Variants in CA10 observed in about 807,000 individuals in gnomAD.
CA10 encodes the protein carbonic anhydrase 10 (inactive), also known as carbonic anhydrase-related protein 10.
Under a neutral mutation model 44.2 loss-of-function variants are expected in CA10, and 14 were observed. The ratio of observed to expected loss-of-function variants is 0.32; its 90% confidence interval spans 0.21 to 0.50. The LOEUF (loss-of-function observed/expected upper bound fraction) is 0.50. Ranked by LOEUF, CA10 falls within the 20% of genes least tolerant of loss-of-function variation. The pLI, the probability that CA10 is intolerant of heterozygous loss-of-function variation, is 0.99. For missense variants in CA10, 350 were observed against 409.7 expected, an observed-to-expected ratio of 0.85 and a Z score of 1.26; for synonymous variants, 159 against 141.6, an observed-to-expected ratio of 1.12 and a Z score of -0.87.
intron 2 of CA10, among the ~76,000 whole-genome samples, chr17:51,936,381 T>C (rs894752935): frequency 2.0e-5 from 3 of 152,104 alleles, no homozygotes; most frequent in Non-Finnish European, 2.9e-5. Flanking sequence ...AAAGCATGTA[T>C]GGGAGAGAAA....
chr17:51,947,188 A>G (rs938734431), intron 2 of CA10, among the ~76,000 whole-genome samples: 4 of 146,518 alleles, frequency 2.7e-5, no homozygotes, highest in African/African-American at 1.0e-4. Context: ...ACTTTTTACA[A>G]TGCAACATCT....
intron 3 of CA10, among the ~76,000 whole-genome samples, chr17:51,915,459 T>A (rs1981956544): frequency 6.6e-6 from 1 of 152,134 alleles, no homozygotes; most frequent in African/African-American, 2.4e-5. Context: ...ATCCTGGGAG[T>A]TTGTGTAACA....
chr17:51,677,905 C>T (rs1914690016), intron 4 of CA10, among the ~76,000 whole-genome samples: 1 of 147,710 alleles, frequency 6.8e-6, no homozygotes, highest in African/African-American at 2.4e-5. Flanking sequence ...CCACCGGCTG[C>T]CAATTGAAAA....
At chr17:51,673,729 T>G (rs1374247915) in intron 4 of CA10, among the ~76,000 whole-genome samples, 1 of 152,248 alleles carries the variant, frequency 6.6e-6, no homozygotes, top group African/African-American at 2.4e-5. Flanking sequence ...GCCATTGTGA[T>G]GGCTCTAGGT....
At chr17:52,117,021 T>C (rs1201093048) in intron 1 of CA10, among the ~76,000 whole-genome samples, 2 of 152,328 alleles carry the variant, frequency 1.3e-5, no homozygotes, top group East Asian at 1.9e-4. Context: ...AGTGAACTAA[T>C]AAGGGATTTA....
At chr17:51,677,885 A>ACCCCC (rs201803270) in intron 4 of CA10, among the ~76,000 whole-genome samples, 1 of 137,920 alleles carries the variant, frequency 7.3e-6, no homozygotes, top group African/African-American at 2.7e-5. Context: ...CTAGGTATAC[A>ACCCCC]CCCCCCCCCC....
At chr17:51,680,254 G>A (rs1914799535) in intron 4 of CA10, among the ~76,000 whole-genome samples, 4 of 152,176 alleles carry the variant, frequency 2.6e-5, no homozygotes, top group South Asian at 4.2e-4. Flanking sequence ...CAGCCGTTGG[G>A]GAGGAAGGAA....
intron 2 of CA10, among the ~76,000 whole-genome samples, chr17:51,952,463 C>T (rs545933010): frequency 6.6e-6 from 1 of 152,100 alleles, no homozygotes; most frequent in East Asian, 1.9e-4. Context: ...GGGAAGATCA[C>T]TTGAGCCCAG....
chr17:51,660,352 C>T (rs548673805), intron 4 of CA10, among the ~76,000 whole-genome samples: 1 of 152,304 alleles, frequency 6.6e-6, no homozygotes, highest in Admixed American at 6.5e-5. Flanking sequence ...AAGTGGAAGC[C>T]TGAAAACCAT....
chr17:51,836,673 G>A (rs2143796216), intron 3 of CA10, among the ~76,000 whole-genome samples: 1 of 152,344 alleles, frequency 6.6e-6, no homozygotes, highest in East Asian at 1.9e-4. Flanking sequence ...GAGGCCAAGT[G>A]ATTTGGACAC....
intron 4 of CA10, among the ~76,000 whole-genome samples, chr17:51,714,715 GAGA>G (rs1420757660): frequency 1.3e-5 from 2 of 152,288 alleles, no homozygotes; most frequent in Admixed American, 1.3e-4. Context: ...CAGATGGAGA[GAGA>G]AGAAGGAATT....
chr17:52,025,775 C>A (rs1056889295), intron 2 of CA10, among the ~76,000 whole-genome samples: 1 of 151,998 alleles, frequency 6.6e-6, no homozygotes, highest in African/African-American at 2.4e-5. Context: ...AAGTGATAGG[C>A]AACTTTGTTG....
At chr17:52,054,568 C>T (rs956291770) in intron 2 of CA10, among the ~76,000 whole-genome samples, 1 of 152,074 alleles carries the variant, frequency 6.6e-6, no homozygotes, top group African/African-American at 2.4e-5. Flanking sequence ...TACACTCCCT[C>T]CCCTTTTGAA....
intron 3 of CA10, among the ~76,000 whole-genome samples, chr17:51,877,971 C>G (rs1333516918): frequency 6.6e-6 from 1 of 151,168 alleles, no homozygotes; most frequent in Non-Finnish European, 1.5e-5. Flanking sequence ...GGTGAAACCC[C>G]AACTCTACTA....
At chr17:51,873,244 G>A (rs1401915722) in intron 3 of CA10, among the ~76,000 whole-genome samples, 1 of 152,186 alleles carries the variant, frequency 6.6e-6, no homozygotes, top group African/African-American at 2.4e-5. Context: ...AACAGAGTAA[G>A]TACCCAATAA....
intron 2 of CA10, among the ~76,000 whole-genome samples, chr17:51,995,739 T>C (rs1000497940): frequency 3.3e-5 from 5 of 152,066 alleles, no homozygotes; most frequent in African/African-American, 9.7e-5. Flanking sequence ...ACTGAGATGG[T>C]TGGATTTTCA....
chr17:51,898,493 G>A (rs1023249728), intron 3 of CA10, among the ~76,000 whole-genome samples: 1 of 152,054 alleles, frequency 6.6e-6, no homozygotes, highest in Non-Finnish European at 1.5e-5. Context: ...TTTCTTCAAG[G>A]AGAGTGGCCT....
intron 2 of CA10, among the ~76,000 whole-genome samples, chr17:52,011,522 C>A (rs1257685816): frequency 6.6e-6 from 1 of 151,764 alleles, no homozygotes; most frequent in Non-Finnish European, 1.5e-5. Flanking sequence ...ATTATATTAA[C>A]CAATATATAA....
intron 1 of CA10, among the ~76,000 whole-genome samples, chr17:52,088,698 T>C (rs1051566182): frequency 2.6e-5 from 4 of 152,196 alleles, no homozygotes; most frequent in African/African-American, 9.6e-5. Context: ...ATTTTCCCCC[T>C]CAAACAATAG....
Sources: allele counts gnomAD v4.1 joint callset (sites outside exome capture counted in the v4.1 genomes callset), GRCh38; gene constraint gnomAD v4.1.1; transcripts MANE v1.5; gene names NCBI Gene and HGNC (gene_info 2026-07-23, HGNC 2026-07-21).